The following DMD variants were observed in gnomAD, a reference collection of about 807,000 sequenced individuals.
DMD encodes the protein mutant dystrophin.
DMD carries 63 observed loss-of-function variants against 330.1 expected under a neutral mutation model. That is an observed-to-expected ratio of 0.19 (90% confidence interval 0.16 to 0.24). The LOEUF is 0.24. Ranked by LOEUF, DMD falls within the 10% of genes least tolerant of loss-of-function variation. The pLI is 1.00. For missense variants in DMD, 3,344 were observed against 2,684.1 expected (o/e 1.25, Z -5.43); for synonymous variants, 1,223 against 959.8 (o/e 1.27, Z -5.07).
intron 67 of DMD, among the ~76,000 whole-genome samples, chrX:31,201,957 C>T (rs1246991493): frequency 9.0e-6 from 1 of 111,442 alleles, no homozygotes; most frequent in African/African-American, 3.3e-5. Flanking sequence ...CTTTGGGAGG[C>T]CGAGGCAGGT....
At chrX:33,268,231 C>A (rs1321084506) in intron 1 of DMD, among the ~76,000 whole-genome samples, 2 of 110,813 alleles carry the variant, frequency 1.8e-5, no homozygotes, top group East Asian at 5.7e-4. Flanking sequence ...TTCGGGTAAT[C>A]CACCCACCTT....
intron 2 of DMD, among the ~76,000 whole-genome samples, chrX:32,877,328 A>G (rs574543948): frequency 4.4e-4 from 50 of 112,659 alleles, no homozygotes; most frequent in African/African-American, 1.4e-3. Flanking sequence ...TCTTTGGAAA[A>G]CTATTTTGTT....
At chrX:32,050,101 C>A (rs2096096859) in intron 44 of DMD, among the ~76,000 whole-genome samples, 1 of 111,383 alleles carries the variant, frequency 9.0e-6, no homozygotes, top group East Asian at 2.8e-4. Context: ...CAAATAGAAA[C>A]ACACTAAAGA....
chrX:31,434,413 C>CGT (rs1395856565), intron 60 of DMD, among the ~76,000 whole-genome samples: 3 of 71,419 alleles, frequency 4.2e-5, no homozygotes, highest in African/African-American at 2.1e-4. Flanking sequence ...TACTGCAGCG[C>CGT]GCGCGCACAC....
intron 51 of DMD, among the ~76,000 whole-genome samples, chrX:31,747,312 A>C (rs1327618450): frequency 3.6e-5 from 4 of 111,873 alleles, no homozygotes; most frequent in Non-Finnish European, 5.6e-5. Context: ...ATGACATGAA[A>C]GCTCTCTTCA....
intron 54 of DMD, among the ~76,000 whole-genome samples, chrX:31,652,070 C>T (rs1395755579): frequency 2.7e-5 from 3 of 112,074 alleles, no homozygotes; most frequent in African/African-American, 9.7e-5. Context: ...CCTAACTGAT[C>T]TCCCTTTTAA....
intron 7 of DMD, among the ~76,000 whole-genome samples, chrX:32,755,187 G>A (rs972572621): frequency 1.8e-5 from 2 of 110,443 alleles, no homozygotes; most frequent in African/African-American, 6.6e-5. Context: ...AATGAGGAGA[G>A]CTCAATAATG....
At chrX:32,069,028 C>A (rs2096278539) in intron 44 of DMD, among the ~76,000 whole-genome samples, 2 of 111,935 alleles carry the variant, frequency 1.8e-5, no homozygotes, top group Non-Finnish European at 3.8e-5. Context: ...TCATGAAATA[C>A]CTGGGACAAA....
At chrX:31,854,504 C>T (rs12014599) in intron 48 of DMD, among the ~76,000 whole-genome samples, 5,705 of 111,150 alleles carry the variant, frequency 0.051, 377 homozygotes, top group African/African-American at 0.17. Flanking sequence ...TCTCAATCTC[C>T]ATTGCAGAGC....
chrX:32,414,779 G>T (rs1227711905), intron 29 of DMD, among the ~76,000 whole-genome samples: 1 of 111,919 alleles, frequency 8.9e-6, no homozygotes, highest in Non-Finnish European at 1.9e-5. Flanking sequence ...GTCAGAATGG[G>T]GGTGGGACAT....
At chrX:31,310,698 C>T (rs922067687) in intron 62 of DMD, among the ~76,000 whole-genome samples, 1 of 105,869 alleles carries the variant, frequency 9.4e-6, no homozygotes, top group Admixed American at 1.1e-4. Flanking sequence ...ACCACAAGCA[C>T]ATGCCACCAT....
intron 7 of DMD, among the ~76,000 whole-genome samples, chrX:32,738,917 G>T (rs1203350766): frequency 8.9e-6 from 1 of 111,739 alleles, no homozygotes; most frequent in Admixed American, 9.6e-5. Context: ...ATACAGTTTT[G>T]ATAGAATAAA....
intron 63 of DMD, among the ~76,000 whole-genome samples, chrX:31,230,166 T>G (rs771678714): frequency 8.9e-6 from 1 of 112,025 alleles, no homozygotes; most frequent in Non-Finnish European, 1.9e-5. Context: ...AACCTCATCA[T>G]CAACATAGAG....
At chrX:32,521,800 G>T (rs1049977589) in intron 17 of DMD, among the ~76,000 whole-genome samples, 47 of 111,871 alleles carry the variant, frequency 4.2e-4, no homozygotes, top group African/African-American at 1.5e-3. Context: ...ACTGAATTTT[G>T]TGCCCCACAA....
intron 41 of DMD, among the ~76,000 whole-genome samples, chrX:32,312,933 C>T (rs2097568445): frequency 2.6e-5 from 1 of 38,436 alleles, no homozygotes; most frequent in South Asian, 2.7e-3. Flanking sequence ...GCAGTAATAG[C>T]CTACGAACCA....
intron 76 of DMD, among the ~76,000 whole-genome samples, chrX:31,137,312 C>G (rs2035375825): frequency 8.9e-6 from 1 of 112,357 alleles, no homozygotes; most frequent in Non-Finnish European, 1.9e-5. Context: ...AGCCACCACG[C>G]CCAGGCTCAT....
At chrX:31,189,526 T>C (rs747254449) in intron 67 of DMD, among the ~76,000 whole-genome samples, 2 of 111,517 alleles carry the variant, frequency 1.8e-5, no homozygotes, top group Non-Finnish European at 3.8e-5. Flanking sequence ...TTTTCAAGGG[T>C]CAACTCTATA....
chrX:32,398,260 TA>T (rs898313158), intron 30 of DMD, among the ~76,000 whole-genome samples: 5 of 87,527 alleles, frequency 5.7e-5, no homozygotes, highest in African/African-American at 1.7e-4. Flanking sequence ...ACTCTTTTTT[TA>T]AACCCCCCCC....
intron 1 of DMD, among the ~76,000 whole-genome samples, chrX:33,321,309 C>T (rs1445290695): frequency 9.0e-6 from 1 of 110,998 alleles, no homozygotes; most frequent in Non-Finnish European, 1.9e-5. Context: ...ACTCTTTGAC[C>T]CATGGGCTAC....
Sources: gnomAD v4.1 joint callset for allele counts (sites outside exome capture counted in the v4.1 genomes callset) on GRCh38, gnomAD v4.1.1 for gene constraint, MANE v1.5 for transcripts, NCBI Gene and HGNC (gene_info 2026-07-23, HGNC 2026-07-21) for gene names.